AP1G1: variants seen among roughly 807,000 people sequenced by gnomAD.
AP1G1 encodes adaptor related protein complex 1 subunit gamma 1.
Under a neutral mutation model 108.3 loss-of-function variants are expected in AP1G1, and 7 were observed. The ratio of observed to expected loss-of-function variants is 0.06; its 90% CI spans 0.04 to 0.12. The LOEUF is 0.12. Ranked by LOEUF, AP1G1 falls within the 10% of genes least tolerant of loss-of-function variation. The pLI is 1.00. For synonymous variants in AP1G1, 379 were observed against 353.5 expected, an observed-to-expected ratio of 1.07 and a Z score of -0.81; for missense variants, 756 against 1,010.7, an observed-to-expected ratio of 0.75 and a Z score of 3.42.
intron 2 of AP1G1, among the ~76,000 whole-genome samples, chr16:71,779,592 C>G (rs187577181): frequency 6.6e-6 from 1 of 152,020 alleles, no homozygotes; most frequent in African/African-American, 2.4e-5. Context: ...CTGCCCACCT[C>G]GCCTCCCAAA....
At chr16:71,767,556 A>T (rs1286175647) in intron 6 of AP1G1, among the ~76,000 whole-genome samples, 2 of 152,228 alleles carry the variant, frequency 1.3e-5, no homozygotes, top group Non-Finnish European at 2.9e-5. Context: ...GCTCCAGACT[A>T]ATCTGGAATT....
At chr16:71,783,784 A>G (rs929552614) in intron 2 of AP1G1, among the ~76,000 whole-genome samples, 1 of 152,194 alleles carries the variant, frequency 6.6e-6, no homozygotes, top group Non-Finnish European at 1.5e-5. Flanking sequence ...TATGTTTCTA[A>G]GAGAAACTAG....
At chr16:71,808,637 T>C in intron 1 of AP1G1, 126 bp downstream of exon 1, 4 of 1,289,500 alleles carry the variant, frequency 3.1e-6, no homozygotes, top group Non-Finnish European at 4.0e-6. Context: ...TTCTCTGTCT[T>C]CTCTTCTCAA....
intron 3 of AP1G1, 122 bp from the exon 4 acceptor site, chr16:71,773,484 G>A (rs2145488944): frequency 2.0e-6 from 2 of 1,020,388 alleles, no homozygotes; most frequent in South Asian, 5.0e-5. Context: ...AGGATTATTT[G>A]TTGCAGAAAA....
chr16:71,737,962 C>T (rs954417865), intron 21 of AP1G1, among the ~76,000 whole-genome samples: 10 of 152,230 alleles, frequency 6.6e-5, no homozygotes, highest in Non-Finnish European at 1.5e-4. Flanking sequence ...CCAATAAAGA[C>T]CAGATAGCAG....
intron 2 of AP1G1, among the ~76,000 whole-genome samples, chr16:71,786,037 G>C (rs867951633): frequency 6.6e-5 from 10 of 152,302 alleles, no homozygotes; most frequent in Non-Finnish European, 8.8e-5. Context: ...GAACAAGATG[G>C]TGACTCATTG....
intron 21 of AP1G1, among the ~76,000 whole-genome samples, chr16:71,734,951 C>A (rs2045515178): frequency 6.6e-6 from 1 of 152,236 alleles, no homozygotes; most frequent in Admixed American, 6.5e-5. Flanking sequence ...ACCACATTCT[C>A]CTTTCTGGCA....
intron 1 of AP1G1, among the ~76,000 whole-genome samples, chr16:71,791,229 A>G (rs1163190262): frequency 6.6e-6 from 1 of 151,648 alleles, no homozygotes; most frequent in African/African-American, 2.4e-5. Context: ...AAAAAACAAA[A>G]AAAAAAAACA....
At chr16:71,753,587 G>C (rs1342685031) in intron 13 of AP1G1, 1 of 484,476 alleles carries the variant, frequency 2.1e-6, no homozygotes, top group Admixed American at 3.5e-5. Flanking sequence ...TATCTCCTCT[G>C]AGAGACCTCC....
At chr16:71,789,945 G>C (rs1357559197) in intron 1 of AP1G1, among the ~76,000 whole-genome samples, 1 of 152,064 alleles carries the variant, frequency 6.6e-6, no homozygotes, top group Non-Finnish European at 1.5e-5. Context: ...CAAAATATGA[G>C]AGATTAAGAG....
At chr16:71,748,228 C>A in intron 16 of AP1G1, 23 bp downstream of exon 16, 1 of 1,602,836 alleles carries the variant, frequency 6.2e-7, no homozygotes. Flanking sequence ...AACCTGTTCA[C>A]CCTATGTTTC....
chr16:71,761,213 G>C (rs1306484693), intron 10 of AP1G1, among the ~76,000 whole-genome samples: 1 of 152,088 alleles, frequency 6.6e-6, no homozygotes, highest in African/African-American at 2.4e-5. Flanking sequence ...TCATGCTAAG[G>C]GGCAGAGGTG....
At chr16:71,807,944 ATT>A in intron 1 of AP1G1, 1 of 1,265,680 alleles carries the variant, frequency 7.9e-7, no homozygotes, top group South Asian at 1.3e-5. Flanking sequence ...ATGAGAAAAC[ATT>A]TGACAGCTCT....
At chr16:71,803,779 G>A (rs2032892854) in intron 1 of AP1G1, among the ~76,000 whole-genome samples, 2 of 151,948 alleles carry the variant, frequency 1.3e-5, no homozygotes, top group South Asian at 4.2e-4. Flanking sequence ...ACAAAAATTA[G>A]CTAGGCATGG....
At chr16:71,736,117 A>AAAAAAAAAAAAATAT (rs1555550846) in intron 21 of AP1G1, among the ~76,000 whole-genome samples, 19 of 71,628 alleles carry the variant, frequency 2.7e-4, no homozygotes, top group African/African-American at 9.9e-4. Flanking sequence ...AAAAAAAAAA[A>AAAAAAAAAAAAATAT]ATATATATAT....
chr16:71,758,635 A>G, intron 11 of AP1G1, 173 bp downstream of exon 11: 1 of 595,492 alleles, frequency 1.7e-6, no homozygotes, highest in Non-Finnish European at 3.0e-6. Flanking sequence ...AATCCTTTCT[A>G]AAAAAAGGAT....
At chr16:71,740,582 T>C (rs937313374) in intron 19 of AP1G1, among the ~76,000 whole-genome samples, 1 of 152,188 alleles carries the variant, frequency 6.6e-6, no homozygotes, top group African/African-American at 2.4e-5. Flanking sequence ...AAAAAGTGAA[T>C]TCACTAGAAA....
intron 16 of AP1G1, among the ~76,000 whole-genome samples, chr16:71,747,929 A>C (rs2030270172): frequency 6.6e-6 from 1 of 152,120 alleles, no homozygotes; most frequent in South Asian, 2.1e-4. Context: ...GTTGCAGTAA[A>C]ATATGATGGC....
Position 71,730,651 on chromosome 16 carries a change from T to G in AP1G1, c.*2407A>C, listed in dbSNP as rs1051424078. On this transcript the variant is annotated 3_prime_UTR_variant, in exon 23 of 23. Coordinates refer to ENST00000299980, the MANE Select transcript of AP1G1 (RefSeq NM_001128.6). The stretch of plus-strand genomic sequence containing the variant: ...CTGAAGCTTTCAAAGATCCAATCAT[T>G]TGAAACAGTCTTCACAACCATCAGT... The G allele has an allele frequency of 1.2e-4, 19 of 152,650 alleles. No individual in the cohort carries two copies. The highest frequency in any genetic ancestry group is 4.3e-4 in the African/African-American group (18 of 41,460). 9.5% of individuals were successfully genotyped at this position (152,650 alleles called of 1,614,324 possible).
Sources: allele counts gnomAD v4.1 joint callset (sites outside exome capture counted in the v4.1 genomes callset), GRCh38; gene constraint gnomAD v4.1.1; transcripts MANE v1.5; gene names NCBI Gene and HGNC (gene_info 2026-07-23, HGNC 2026-07-21).